The following SNAP47 variants were observed in gnomAD, a reference collection of about 807,000 sequenced individuals.
The protein encoded by SNAP47 is synaptosomal-associated protein 47.
In SNAP47, 20 loss-of-function variants were observed where a neutral mutation model predicts 31.4. The ratio of observed to expected loss-of-function variants is 0.64; its 90% CI spans 0.45 to 0.93. SNAP47 has a LOEUF of 0.93. Ranked by LOEUF, SNAP47 falls within the 40% of genes least tolerant of loss-of-function variation. SNAP47 has a pLI of 0.00. For synonymous variants in SNAP47, 194 were observed against 213.4 expected (o/e 0.91, Z 0.79); for missense variants, 492 against 528.5 (o/e 0.93, Z 0.68).
At chr1:227,750,673 G>A (rs956770465) in intron 2 of SNAP47, among the ~76,000 whole-genome samples, 5 of 152,212 alleles carry the variant, frequency 3.3e-5, no homozygotes, top group Admixed American at 6.5e-5. Flanking sequence ...GCAGGGGGAG[G>A]CCTGGGGATA....
chr1:227,730,463 A>C (rs2102853169), upstream of SNAP47: 1 of 152,026 alleles, frequency 6.6e-6, no homozygotes, highest in East Asian at 1.9e-4. Context: ...AGGTATGCAA[A>C]AGGAGTCATG....
At position 227,759,142 on chromosome 1, in the gene SNAP47, T is replaced by C; in HGVS notation, c.645T>C (p.Ala215=). Reference sequence around the variant, plus strand: ...AAGGGATACTGATAAAAATTCCTGCTGTTATTTCCCACAGAACAGAGTCTC... The same window carrying C: ...AAGGGATACTGATAAAAATTCCTGCCGTTATTTCCCACAGAACAGAGTCTC... The part of the protein sequence containing the change: ...GKEGILIKIP[A]VISHRTESHV... The change falls in exon 3 of 5, where the codon GCT becomes GCC. Residue 215 remains alanine, a synonymous_variant. Transcript: ENST00000617596. 3 of 1,614,210 alleles carry C rather than the reference T, an allele frequency of 1.9e-6. No homozygotes were observed. Among genetic ancestry groups the C allele is most frequent in the Non-Finnish European group, 2.5e-6 (3 of 1,180,040 alleles).
intron 1 of SNAP47, among the ~76,000 whole-genome samples, chr1:227,738,515 C>T (rs2031133): frequency 0.03 from 4,572 of 152,234 alleles, 257 homozygotes; most frequent in African/African-American, 0.1. Flanking sequence ...CTTTCTCCAT[C>T]GTGTATAATA....
chr1:227,733,053 C>T (rs1255896789), upstream of SNAP47: 1 of 1,611,794 alleles, frequency 6.2e-7, no homozygotes, highest in East Asian at 2.2e-5. Flanking sequence ...TGCAGGCAGG[C>T]CTGAGCCCAT....
upstream of SNAP47, chr1:227,733,509 G>C (rs757199014): frequency 6.3e-7 from 1 of 1,593,668 alleles, no homozygotes; most frequent in South Asian, 1.1e-5. Context: ...AGCTGGTTCC[G>C]TGGGTGCAGG....
chr1:227,744,734 C>T (rs909153922), intron 1 of SNAP47, among the ~76,000 whole-genome samples: 42 of 152,174 alleles, frequency 2.8e-4, no homozygotes, highest in African/African-American at 9.4e-4. Flanking sequence ...TTCAAGAAAA[C>T]GGCAGGCCCT....
chr1:227,776,931 T>A, intron 4 of SNAP47: 1 of 985,428 alleles, frequency 1.0e-6, no homozygotes. Context: ...AGCCTTTATT[T>A]TGTCTGTGTA....
chr1:227,779,320 C>T (rs1490759530), intron 4 of SNAP47, among the ~76,000 whole-genome samples: 1 of 152,196 alleles, frequency 6.6e-6, no homozygotes, highest in Non-Finnish European at 1.5e-5. Context: ...GGCCACCCTG[C>T]TGGGGAGCAC....
At chr1:227,734,265 C>T, upstream of SNAP47, 1 of 538,984 alleles carries the variant, frequency 1.9e-6, no homozygotes, top group South Asian at 2.7e-5. Context: ...CCTATAATCC[C>T]AGTGCTTTGA....
At chr1:227,734,043 G>A (rs1553277124), upstream of SNAP47, 6 of 1,611,182 alleles carry the variant, frequency 3.7e-6, no homozygotes, top group Non-Finnish European at 3.4e-6. Flanking sequence ...CTGTGAGGAG[G>A]GCGCAAGGGC....
rs776177284 is a variant in SNAP47, at chr1:227,735,485, T to A, written c.-60T>A. 1 of 1,419,316 alleles carries A rather than the reference T, an allele frequency of 7.0e-7. No homozygotes were observed. Among genetic ancestry groups the A allele is most frequent in the Non-Finnish European group, 9.1e-7 (1 of 1,096,450 alleles). The allele number at this position is 1,419,316 out of a possible 1,614,324, so 87.9% of individuals were successfully genotyped here. On this transcript the variant is annotated 5_prime_UTR_variant, in exon 1 of 5. Coordinates refer to ENST00000617596, the MANE Select transcript of SNAP47 (RefSeq NM_053052.4). ...GCGCCGCGGTCGGCTCTGGGACTCG[T>A]CTGGCGTCCCTCAGGTGAGCGACGG...
Position 227,771,593 on chromosome 1 carries a change from A to G in SNAP47, c.1113+4510A>G, listed in dbSNP as rs376830489. Among the ~76,000 whole-genome samples the G allele has an allele frequency of 1.8e-3, 267 of 152,198 alleles. 1 individual carries two copies. Among genetic ancestry groups the G allele is most frequent in the African/African-American group, 6.2e-3 (258 of 41,530 alleles). On this transcript the variant is annotated intron_variant, in intron 4 of 4. Transcript: ENST00000617596. ...CACCACGCCTTCCCTTTTAACCTGT[A>G]TGCTCTTTGGCTAATGGGTTTGTGA...
intron 2 of SNAP47, among the ~76,000 whole-genome samples, chr1:227,755,573 G>C (rs1032421393): frequency 3.3e-5 from 5 of 152,118 alleles, no homozygotes; most frequent in African/African-American, 1.2e-4. Context: ...TTTTAATAGA[G>C]ACAGGGTTTT....
At chr1:227,764,904 AAAAC>A (rs201679798) in intron 3 of SNAP47, among the ~76,000 whole-genome samples, 2,347 of 152,244 alleles carry the variant, frequency 0.015, 68 homozygotes, top group African/African-American at 0.053. Flanking sequence ...ACTCTGTCTC[AAAAC>A]AAACAAAAAC....
chr1:227,735,134 C>T (rs1371187072), upstream of SNAP47: 8 of 1,580,634 alleles, frequency 5.1e-6, no homozygotes, highest in Non-Finnish European at 6.0e-6. Context: ...CAGCAAGAAG[C>T]CCCGCACAAA....
chr1:227,728,415 GC>G, upstream of SNAP47: 1 of 150,874 alleles, frequency 6.6e-6, no homozygotes, highest in African/African-American at 2.4e-5. Flanking sequence ...GTCGTCCTGG[GC>G]CCCGCCGCCC....
upstream of SNAP47, chr1:227,733,637 A>G (rs764409911): frequency 1.9e-6 from 3 of 1,604,816 alleles, no homozygotes; most frequent in South Asian, 3.3e-5. Context: ...ACAGACATTG[A>G]CAGACCAGCT....
intron 4 of SNAP47, 140 bp downstream of exon 4, chr1:227,767,223 C>T: frequency 7.8e-7 from 1 of 1,285,602 alleles, no homozygotes; most frequent in South Asian, 1.5e-5. Context: ...CTGCTGGCCT[C>T]CACTCGGCAG....
intron 3 of SNAP47, among the ~76,000 whole-genome samples, chr1:227,761,953 C>T (rs1161649982): frequency 5.3e-5 from 8 of 152,198 alleles, no homozygotes; most frequent in Admixed American, 3.9e-4. Context: ...GGGGCCTCAA[C>T]GTGCATTCAG....
Sources: gnomAD v4.1 joint callset for allele counts (sites outside exome capture counted in the v4.1 genomes callset) on GRCh38, gnomAD v4.1.1 for gene constraint, MANE v1.5 for transcripts, NCBI Gene and HGNC (gene_info 2026-07-23, HGNC 2026-07-21) for gene names.